The following DGKI variants were observed in gnomAD, a reference collection of about 807,000 sequenced individuals.
DGKI encodes the protein diacylglycerol kinase iota.
Under a neutral mutation model 147.5 loss-of-function variants are expected in DGKI, and 55 were observed. The observed-to-expected ratio is 0.37, with a 90% confidence interval of 0.30 to 0.47. The LOEUF is 0.47. Among genes scored for constraint, DGKI ranks in the 20% least tolerant of loss-of-function variants. The pLI is 1.00. For missense variants in DGKI, 1,007 were observed against 1,323.8 expected (o/e 0.76, Z 3.71); for synonymous variants, 469 against 477.1 (o/e 0.98, Z 0.22).
At chr7:137,487,846 T>C (rs1209243833) in intron 21 of DGKI, among the ~76,000 whole-genome samples, 157 bp from the exon 22 acceptor site, 1 of 152,172 alleles carries the variant, frequency 6.6e-6, no homozygotes, top group African/African-American at 2.4e-5. Flanking sequence ...CCTACACCTT[T>C]TTTATTATTT....
At chr7:137,598,694 T>G (rs1293171529) in intron 11 of DGKI, among the ~76,000 whole-genome samples, 6 of 152,186 alleles carry the variant, frequency 3.9e-5, no homozygotes, top group Non-Finnish European at 8.8e-5. Flanking sequence ...AATATGGTTT[T>G]TTTCTGAAAA....
At chr7:137,657,430 T>A (rs973927479) in intron 3 of DGKI, among the ~76,000 whole-genome samples, 4 of 152,238 alleles carry the variant, frequency 2.6e-5, no homozygotes, top group Non-Finnish European at 5.9e-5. Context: ...TTTTAAAGTT[T>A]ATCTTTTTCT....
At chr7:137,773,255 C>A (rs1395650714) in intron 1 of DGKI, among the ~76,000 whole-genome samples, 2 of 152,066 alleles carry the variant, frequency 1.3e-5, no homozygotes, top group African/African-American at 4.8e-5. Context: ...AAAATGGTAC[C>A]ACACGTATAG....
At position 137,399,707 on chromosome 7, in the gene DGKI, C is replaced by T. The variant is rs955082045; in HGVS notation, c.2921-2294G>A. On this transcript the variant is annotated intron_variant, in intron 30 of 32. Coordinates refer to ENST00000614521, the MANE Select transcript of DGKI (RefSeq NM_001321708.2). ...GGTGGATCATTTGAGGTCAGGAATTCGAGACCAGCCTGACCAACATGGTGG... is the reference window on the plus strand; with the variant it reads ...GGTGGATCATTTGAGGTCAGGAATTTGAGACCAGCCTGACCAACATGGTGG... 3.1e-4 allele frequency among the ~76,000 whole-genome samples: 47 copies of T among 152,198 alleles called. 1 individual carries two copies. The highest frequency in any genetic ancestry group is 5.9e-4 in the Admixed American group (9 of 15,288).
intron 1 of DGKI, among the ~76,000 whole-genome samples, chr7:137,765,289 A>G (rs1314135694): frequency 2.0e-5 from 3 of 152,168 alleles, no homozygotes; most frequent in Non-Finnish European, 2.9e-5. Context: ...ACCATTATGT[A>G]TCGTTGATTT....
intron 1 of DGKI, among the ~76,000 whole-genome samples, chr7:137,796,271 G>A (rs1217866670): frequency 1.3e-5 from 2 of 152,198 alleles, no homozygotes; most frequent in South Asian, 2.1e-4. Flanking sequence ...GCCAAGGCGG[G>A]TGGGTCACCT....
chr7:137,722,241 G>A, intron 1 of DGKI: 1 of 1,603,620 alleles, frequency 6.2e-7, no homozygotes, highest in Admixed American at 1.7e-5. Flanking sequence ...AGAAAAAGAA[G>A]GAGAAGGTTC....
intron 1 of DGKI, chr7:137,774,992 C>T (rs1454763800): frequency 6.6e-6 from 1 of 152,092 alleles, no homozygotes; most frequent in Non-Finnish European, 1.5e-5. Context: ...CAAGTCTTTC[C>T]ATTCAGCAGT....
intron 29 of DGKI, among the ~76,000 whole-genome samples, chr7:137,409,705 C>T (rs1196615524): frequency 6.6e-6 from 1 of 152,204 alleles, no homozygotes; most frequent in Non-Finnish European, 1.5e-5. Flanking sequence ...CAGCATGGGA[C>T]CTGTTCAGGG....
chr7:137,766,822 TTC>T (rs1796029474), intron 1 of DGKI, among the ~76,000 whole-genome samples: 1 of 152,104 alleles, frequency 6.6e-6, no homozygotes, highest in Non-Finnish European at 1.5e-5. Flanking sequence ...AATGAGATCT[TTC>T]TGTTTCCCAC....
At chr7:137,542,675 A>G (rs967267382) in intron 20 of DGKI, among the ~76,000 whole-genome samples, 5 of 152,180 alleles carry the variant, frequency 3.3e-5, no homozygotes, top group African/African-American at 1.2e-4. Flanking sequence ...TATCCTGACT[A>G]TGGTGGTGGT....
At chr7:137,553,788 C>A (rs1818130838) in intron 19 of DGKI, among the ~76,000 whole-genome samples, 1 of 152,114 alleles carries the variant, frequency 6.6e-6, no homozygotes, top group African/African-American at 2.4e-5. Flanking sequence ...GACTGGTGAG[C>A]AAGAAAGCAG....
chr7:137,492,940 G>A (rs549118594), intron 21 of DGKI, among the ~76,000 whole-genome samples: 1 of 152,252 alleles, frequency 6.6e-6, no homozygotes, highest in East Asian at 1.9e-4. Context: ...CTCTGCCAAG[G>A]CACATCAGCC....
intron 8 of DGKI, among the ~76,000 whole-genome samples, chr7:137,611,098 T>A (rs1820348033): frequency 6.6e-6 from 1 of 152,188 alleles, no homozygotes; most frequent in Non-Finnish European, 1.5e-5. Flanking sequence ...TTTTATCATG[T>A]CCCTCACTGA....
chr7:137,725,428 A>C (rs1361767455), intron 1 of DGKI, among the ~76,000 whole-genome samples: 2 of 152,058 alleles, frequency 1.3e-5, no homozygotes, highest in Non-Finnish European at 2.9e-5. Flanking sequence ...TGCCTCTACC[A>C]TTCTCCCTTT....
intron 2 of DGKI, among the ~76,000 whole-genome samples, chr7:137,683,126 G>A (rs111338166): frequency 6.6e-6 from 1 of 151,522 alleles, no homozygotes; most frequent in South Asian, 2.1e-4. Context: ...ATCTAATTTC[G>A]GAGTCTTGTT....
At chr7:137,449,036 ATAAT>A (rs1473413925) in intron 27 of DGKI, among the ~76,000 whole-genome samples, 1 of 152,228 alleles carries the variant, frequency 6.6e-6, no homozygotes, top group Non-Finnish European at 1.5e-5. Flanking sequence ...ATGAATTAAA[ATAAT>A]TAATATTGCT....
At chr7:137,492,695 C>T (rs977632071) in intron 21 of DGKI, among the ~76,000 whole-genome samples, 3 of 152,092 alleles carry the variant, frequency 2.0e-5, no homozygotes, top group African/African-American at 7.2e-5. Context: ...TGAAGCATGA[C>T]CAGGGATACC....
chr7:137,793,298 CT>C (rs1268908964), intron 1 of DGKI, among the ~76,000 whole-genome samples: 3 of 144,348 alleles, frequency 2.1e-5, no homozygotes, highest in African/African-American at 5.5e-5. Flanking sequence ...ATTTTGCTGC[CT>C]TTTTTTTGTT....
Sources: gnomAD v4.1 joint callset for allele counts (sites outside exome capture counted in the v4.1 genomes callset) on GRCh38, gnomAD v4.1.1 for gene constraint, MANE v1.5 for transcripts, NCBI Gene and HGNC (gene_info 2026-07-23, HGNC 2026-07-21) for gene names.